Variants in MRC2 observed in about 807,000 individuals in gnomAD.
MRC2 encodes mannose receptor C-type 2.
A neutral mutation model predicts 206.2 loss-of-function variants in MRC2; 84 were observed. That is an observed-to-expected ratio of 0.41 (90% CI 0.34 to 0.49). The LOEUF (loss-of-function observed/expected upper bound fraction) is 0.49. Ranked by LOEUF, MRC2 falls within the 20% of genes least tolerant of loss-of-function variation. The pLI is 0.31. For synonymous variants in MRC2, 798 were observed against 800.0 expected (o/e 1.00, Z 0.04); for missense variants, 1,676 against 2,001.5 (o/e 0.84, Z 3.10).
chr17:62,692,698 C>G lies in MRC2; in HGVS notation c.*247C>G. ...CTGGGGGGGCCTGAGGTCTTGTCAC[C>G]TGGTCCTGTGCCCCCACAGGAACCA... On this transcript the variant is annotated 3_prime_UTR_variant, in exon 30 of 30. Transcript: ENST00000303375. The surrounding 1 kb of genome is among the most constrained non-coding windows in gnomAD (Gnocchi z 4.2). The G allele has an allele frequency of 2.2e-6, 1 of 460,532 alleles. No homozygotes were observed. Among genetic ancestry groups the G allele is most frequent in the Non-Finnish European group, 4.0e-6 (1 of 251,062 alleles). The allele number at this position is 460,532 out of a possible 1,614,324, so 28.5% of individuals were successfully genotyped here.
intron 8 of MRC2, 22 bp from the exon 9 acceptor site, chr17:62,674,041 C>T: frequency 6.5e-7 from 1 of 1,528,136 alleles, no homozygotes; most frequent in Non-Finnish European, 8.9e-7. Flanking sequence ...GGTTGAGATT[C>T]TTCCTCACCC....
Position 62,627,854 on chromosome 17 carries a change from T to A in MRC2, c.52T>A (p.Cys18Ser). The A allele has an allele frequency of 6.8e-7, 1 of 1,479,910 alleles. No homozygotes were observed. Among genetic ancestry groups the A allele is most frequent in the East Asian group, 2.9e-5 (1 of 33,962 alleles). 91.7% of individuals were successfully genotyped at this position (1,479,910 alleles called of 1,614,324 possible). The change falls in exon 1 of 30, where the codon TGC becomes AGC. Residue 18 changes from cysteine (C) to serine (S), a missense_variant. Coordinates refer to ENST00000303375, the MANE Select transcript of MRC2 (RefSeq NM_006039.5). ...PAPWPRHLLRCVLLLGCLHLG... is the reference protein window; with the variant it reads ...PAPWPRHLLRSVLLLGCLHLG... ...GCCCTGGCCTCGTCACCTGCTGCGC[T>A]GCGTCCTGCTCCTCGGGTGCCTGCA...
In MRC2 at chr17:62,680,996, G is replaced by A. The variant is rs948634315; in HGVS notation, c.2634+36G>A. ...GATTGAGCAGGGGGCTGCAGGCTGG[G>A]GGAGGGCAGGCCCGGGATGAGGGCA... On this transcript the variant is annotated intron_variant, in intron 17 of 29. Coordinates refer to ENST00000303375, the MANE Select transcript of MRC2 (RefSeq NM_006039.5). This position sits in a 1 kb window ranked among gnomAD's most constrained non-coding sequence, Gnocchi z 4.8. The A allele has an allele frequency of 1.2e-6, 2 of 1,611,782 alleles. No homozygotes were observed. The highest frequency in any genetic ancestry group is 2.7e-5 in the African/African-American group (2 of 74,946).
intron 23 of MRC2, 86 bp from the exon 24 acceptor site, chr17:62,689,436 T>A: frequency 1.1e-6 from 1 of 891,358 alleles, no homozygotes; most frequent in South Asian, 1.8e-5. Flanking sequence ...GGTCTTTGCC[T>A]GGTGTGCGGC....
At chr17:62,641,056 G>C (rs1305368743) in intron 1 of MRC2, among the ~76,000 whole-genome samples, 1 of 151,426 alleles carries the variant, frequency 6.6e-6, no homozygotes, top group Non-Finnish European at 1.5e-5. Flanking sequence ...TGTTGCCCAG[G>C]CTGGTCTCAA....
intron 1 of MRC2, among the ~76,000 whole-genome samples, chr17:62,648,978 A>G (rs573609120): frequency 3.8e-4 from 58 of 152,336 alleles, no homozygotes; most frequent in Admixed American, 2.8e-3. Flanking sequence ...CCAGGTACAG[A>G]GGGACAGGAA....
rs1448796013 is a variant in MRC2 at position 62,664,015 on chromosome 17, A to G, written c.119-533A>G. On this transcript the variant is annotated intron_variant, in intron 1 of 29. Coordinates refer to ENST00000303375, the MANE Select transcript of MRC2 (RefSeq NM_006039.5). The surrounding 1 kb of genome is among the most constrained non-coding windows in gnomAD (Gnocchi z 4.7). ...CGCTCTGTCGCCCAGGCTGGAGTGC[A>G]GTGGCGGGATCTCGGCTCACTGCAA... Among the ~76,000 whole-genome samples the G allele has an allele frequency of 7.1e-6, 1 of 140,244 alleles. No homozygotes were observed. The highest frequency in any genetic ancestry group is 1.5e-5 in the Non-Finnish European group (1 of 66,540). The allele number at this position is 140,244 out of a possible 152,430, so 92.0% of individuals were successfully genotyped here. A position where few individuals can be genotyped will look rare whatever the true frequency, so the allele number is the denominator to read the frequency against.
chr17:62,674,121 C>A lies in MRC2; in HGVS notation c.1520C>A (p.Ala507Glu). Reference sequence around the variant, plus strand: ...TCCTTGCCATCCATCTGCAAGAAGGCAGGCCAGCTGAGCCAGGGGGCCGCC... The same window carrying A: ...TCCTTGCCATCCATCTGCAAGAAGGAAGGCCAGCTGAGCCAGGGGGCCGCC... ...NQSLPSICKK[A>E]GQLSQGAAEE... Residue 507 changes from alanine to glutamate, a missense_variant, in exon 9 of 30, where the codon GCA (alanine) becomes GAA (glutamate). Transcript: ENST00000303375. The A allele has an allele frequency of 6.4e-7, 1 of 1,555,970 alleles. No individual in the cohort carries two copies. Among genetic ancestry groups the A allele is most frequent in the Non-Finnish European group, 8.7e-7 (1 of 1,149,558 alleles).
At chr17:62,632,750 G>C (rs2088260423) in intron 1 of MRC2, among the ~76,000 whole-genome samples, 1 of 152,174 alleles carries the variant, frequency 6.6e-6, no homozygotes, top group African/African-American at 2.4e-5. Context: ...CATGGCCCAT[G>C]GTGACAAATC....
chr17:62,662,899 T>C (rs530607932), intron 1 of MRC2, among the ~76,000 whole-genome samples: 12 of 151,982 alleles, frequency 7.9e-5, no homozygotes, highest in African/African-American at 2.9e-4. Context: ...ACACGAGCAA[T>C]AGTCCGTCTC....
At position 62,666,896 on chromosome 17, in the gene MRC2, G is replaced by C; in HGVS notation, c.973+26G>C. 1.3e-6 allele frequency: 2 copies of C among 1,595,306 alleles called. No homozygotes were observed. The highest frequency in any genetic ancestry group is 1.7e-6 in the Non-Finnish European group (2 of 1,164,042). On this transcript the variant is annotated intron_variant, in intron 5 of 29. Transcript: ENST00000303375. This position sits in a 1 kb window ranked among gnomAD's most constrained non-coding sequence, Gnocchi z 5.0. ...GTGAGGCACAAGGTTGGGGGCGCAG[G>C]GCAGCATAGGGGCCCCGCGGGCTCT...
chr17:62,629,882 C>T (rs1264619664), intron 1 of MRC2, among the ~76,000 whole-genome samples: 2 of 152,220 alleles, frequency 1.3e-5, no homozygotes, highest in African/African-American at 2.4e-5. Flanking sequence ...AGGGCAGGGG[C>T]TGCGTGTGGG....
At position 62,672,085 on chromosome 17, in the gene MRC2, A is replaced by G; in HGVS notation, c.1394A>G (p.His465Arg). ...GACGGGAGCCTTGTGAGCTTCACCC[A>G]CTGGCACCCCTTTGAGCCCAACAAC... ...WSDGSLVSFT[H>R]WHPFEPNNFR... is the part of the protein sequence containing the mutation. Residue 465 changes from histidine to arginine, a missense_variant, in exon 8 of 30, where the codon CAC becomes CGC. Coordinates refer to ENST00000303375, the MANE Select transcript of MRC2 (RefSeq NM_006039.5). The surrounding 1 kb of genome is among the most constrained non-coding windows in gnomAD (Gnocchi z 4.5). The G allele has an allele frequency of 6.2e-7, 1 of 1,614,092 alleles. No homozygotes were observed. The highest frequency in any genetic ancestry group is 8.5e-7 in the Non-Finnish European group (1 of 1,180,030).
At position 62,647,985 on chromosome 17, in the gene MRC2, A is replaced by G. The variant is rs565255415; in HGVS notation, c.119-16563A>G. Among the ~76,000 whole-genome samples the G allele has an allele frequency of 3.3e-5, 5 of 152,284 alleles. No individual in the cohort carries two copies. In the East Asian group the frequency reaches 7.7e-4, roughly 24 times the overall value. Reference sequence around the variant, plus strand: ...GACAGGAGGAGTGTTTTCTTCACTGACCAGAGGAGGACACTGAGAGTGGAG... The same window carrying G: ...GACAGGAGGAGTGTTTTCTTCACTGGCCAGAGGAGGACACTGAGAGTGGAG... On this transcript the variant is annotated intron_variant, in intron 1 of 29. Transcript: ENST00000303375.
chr17:62,689,022 G>A, intron 23 of MRC2, 62 bp downstream of exon 23: 1 of 1,331,208 alleles, frequency 7.5e-7, no homozygotes, highest in South Asian at 1.2e-5. Flanking sequence ...TGGATGCTGG[G>A]ACCATGCCAG....
rs540502676 is a variant in MRC2 at position 62,664,189 on chromosome 17, G to C, written c.119-359G>C. Among the ~76,000 whole-genome samples the C allele has an allele frequency of 6.4e-4, 98 of 151,942 alleles. No homozygotes were observed. The highest frequency in any genetic ancestry group is 1.2e-3 in the South Asian group (6 of 4,816). On this transcript the variant is annotated intron_variant, in intron 1 of 29. Transcript: ENST00000303375. The surrounding 1 kb of genome is among the most constrained non-coding windows in gnomAD (Gnocchi z 4.7). Reference sequence around the variant, plus strand: ...TTAGCCGGGATGGTCTCGATCTCCTGACCTCGTGATCCGCCCGCCTCGGCC... The same window carrying C: ...TTAGCCGGGATGGTCTCGATCTCCTCACCTCGTGATCCGCCCGCCTCGGCC...
In MRC2 at chr17:62,667,639, C is replaced by A; in HGVS notation, c.1117+106C>A. ...CTCTCCTCCGGTTACCACCACAGCA[C>A]AAGGGGACTCTGGATCCTCTGACTC... is the stretch of plus-strand genomic sequence containing the variant. On this transcript the variant is annotated intron_variant, in intron 6 of 29. Coordinates refer to ENST00000303375, the MANE Select transcript of MRC2 (RefSeq NM_006039.5). This position sits in a 1 kb window ranked among gnomAD's most constrained non-coding sequence, Gnocchi z 4.1. 2.4e-6 allele frequency: 3 copies of A among 1,255,876 alleles called. No homozygotes were observed. The highest frequency in any genetic ancestry group is 1.5e-5 in the South Asian group (1 of 67,666). The allele number at this position is 1,255,876 out of a possible 1,614,324, so 77.8% of individuals were successfully genotyped here.
rs1356323916 is a variant in MRC2 at position 62,664,786 on chromosome 17, T to G, written c.357T>G (p.Leu119=). 1 of 1,613,974 alleles carries G rather than the reference T, an allele frequency of 6.2e-7. No homozygotes were observed. Residue 119 remains leucine, a synonymous_variant, in exon 2 of 30, where the codon CTT becomes CTG. Transcript: ENST00000303375. The surrounding 1 kb of genome is among the most constrained non-coding windows in gnomAD (Gnocchi z 4.7). ...AGTGTGACCGGGAAGCACTGAATCT[T>G]CGCTGGCATTGTCGTACACTGGGTG... The part of the protein sequence containing the change: ...MYECDREALN[L]RWHCRTLGDQ...
Position 62,678,409 on chromosome 17 carries a change from A to G in MRC2, c.2053-95A>G. The G allele has an allele frequency of 2.7e-6, 4 of 1,509,320 alleles. No homozygotes were observed. In the South Asian group the frequency reaches 5.2e-5, roughly 20 times the overall value. 93.5% of individuals were successfully genotyped at this position (1,509,320 alleles called of 1,614,324 possible). A position where few individuals can be genotyped will look rare whatever the true frequency, so the allele number is the denominator to read the frequency against. On this transcript the variant is annotated intron_variant, in intron 12 of 29. Transcript: ENST00000303375. ...TTAGCCCCCTGTCCAGTAAGGCTCC[A>G]GGCCCCTCCTCTGCCATGGTGGGAA...
Sources: allele counts gnomAD v4.1 joint callset (sites outside exome capture counted in the v4.1 genomes callset), GRCh38; gene constraint gnomAD v4.1.1; non-coding constraint Gnocchi (gnomAD v3.1); transcripts MANE v1.5; gene names NCBI Gene and HGNC (gene_info 2026-07-23, HGNC 2026-07-21).